Variants in LRCH1 observed in about 807,000 individuals in gnomAD.
LRCH1 encodes the protein leucine rich repeats and calponin homology domain containing 1, also known as leucine-rich repeat and calponin homology domain-containing protein 1.
A neutral mutation model predicts 94.9 loss-of-function variants in LRCH1; 23 were observed. That is an observed-to-expected ratio of 0.24 (90% CI 0.17 to 0.34). The LOEUF is 0.34. LRCH1 is among the 10% of genes least tolerant of loss of function. LRCH1 has a pLI of 1.00. For synonymous variants in LRCH1, 364 were observed against 354.9 expected, an observed-to-expected ratio of 1.03 and a Z score of -0.29; for missense variants, 790 against 945.9, an observed-to-expected ratio of 0.84 and a Z score of 2.16.
intron 18 of LRCH1, among the ~76,000 whole-genome samples, chr13:46,731,291 G>A (rs185132674): frequency 6.6e-6 from 1 of 152,184 alleles, no homozygotes; most frequent in Admixed American, 6.5e-5. Flanking sequence ...AGGCAGGAGT[G>A]CAGTGGCACG....
chr13:46,647,459 G>T (rs1326698128), intron 1 of LRCH1, among the ~76,000 whole-genome samples: 1 of 151,620 alleles, frequency 6.6e-6, no homozygotes, highest in Non-Finnish European at 1.5e-5. Flanking sequence ...TTCTTTTCTT[G>T]TTTATGATTT....
chr13:46,592,452 T>C (rs2050510887), intron 1 of LRCH1, among the ~76,000 whole-genome samples: 1 of 152,168 alleles, frequency 6.6e-6, no homozygotes, highest in East Asian at 1.9e-4. Context: ...TATGAGCACT[T>C]CCTCTGTCCC....
At chr13:46,661,330 T>C (rs186064231) in intron 2 of LRCH1, among the ~76,000 whole-genome samples, 12 of 152,338 alleles carry the variant, frequency 7.9e-5, no homozygotes, top group East Asian at 1.9e-4. Flanking sequence ...TTAGTACTTA[T>C]GTTACAAGAT....
intron 4 of LRCH1, 84 bp from the exon 5 acceptor site, chr13:46,685,821 C>G (rs558390460): frequency 1.0e-6 from 1 of 978,834 alleles, no homozygotes; most frequent in East Asian, 2.7e-5. Context: ...AGAAGCAGAA[C>G]ATTAATTTTT....
At chr13:46,617,300 A>T (rs913492981) in intron 1 of LRCH1, among the ~76,000 whole-genome samples, 1 of 152,214 alleles carries the variant, frequency 6.6e-6, no homozygotes. Flanking sequence ...ATCAGGGGCC[A>T]GGAAAACTTG....
At chr13:46,625,657 C>CTTGT in intron 1 of LRCH1, among the ~76,000 whole-genome samples, 1 of 59,666 alleles carries the variant, frequency 1.7e-5, no homozygotes, top group East Asian at 5.0e-4. Flanking sequence ...TTTTTTTGGT[C>CTTGT]TTGTTTGTTT....
intron 16 of LRCH1, among the ~76,000 whole-genome samples, chr13:46,719,634 C>A (rs1326797163): frequency 2.0e-5 from 3 of 152,192 alleles, no homozygotes; most frequent in African/African-American, 7.2e-5. Flanking sequence ...TTTCATTATA[C>A]CCTGCAGGGT....
At chr13:46,749,531 A>G (rs983866345), downstream of LRCH1, among the ~76,000 whole-genome samples, 2 of 152,236 alleles carry the variant, frequency 1.3e-5, no homozygotes, top group Non-Finnish European at 2.9e-5. Context: ...AATGGATATG[A>G]TAATTAGCTT....
intron 16 of LRCH1, among the ~76,000 whole-genome samples, chr13:46,719,758 G>A (rs989739603): frequency 2.0e-5 from 3 of 152,194 alleles, no homozygotes; most frequent in Non-Finnish European, 2.9e-5. Flanking sequence ...AGGACTTTGG[G>A]AGGCTGAGGC....
intron 2 of LRCH1, among the ~76,000 whole-genome samples, chr13:46,661,615 T>C (rs2051449557): frequency 6.6e-6 from 1 of 152,200 alleles, no homozygotes; most frequent in Admixed American, 6.5e-5. Flanking sequence ...TAGTTATTAG[T>C]AGTTGTCAAG....
At chr13:46,750,719 C>T in exon 19 of LRCH1, 2 of 1,015,166 alleles carry the variant, frequency 2.0e-6, no homozygotes, top group Non-Finnish European at 3.0e-6. Context: ...GCTCCAGGCA[C>T]CTGTTCAACC....
chr13:46,613,155 G>A (rs2050765753), intron 1 of LRCH1, among the ~76,000 whole-genome samples: 1 of 152,162 alleles, frequency 6.6e-6, no homozygotes, highest in African/African-American at 2.4e-5. Context: ...ACTTTGGGAG[G>A]CCAAGGCAGG....
rs956400015 is a variant in LRCH1, at chr13:46,611,509, A to G, written c.308-38692A>G. Reference sequence around the variant, plus strand: ...ACAGAATAATGGAATTGTAAATTGTATTTAGTTTTAATCAAAACTTTAAAA... The same window carrying G: ...ACAGAATAATGGAATTGTAAATTGTGTTTAGTTTTAATCAAAACTTTAAAA... On this transcript the variant is annotated intron_variant, in intron 1 of 19. Transcript: ENST00000389797. Among the ~76,000 whole-genome samples the G allele has an allele frequency of 2.6e-5, 4 of 152,188 alleles. No individual in the cohort carries two copies. The East Asian group carries it at 7.7e-4, about 29-fold the overall frequency.
intron 15 of LRCH1, among the ~76,000 whole-genome samples, chr13:46,715,325 A>T (rs545051477): frequency 6.6e-6 from 1 of 152,340 alleles, no homozygotes; most frequent in East Asian, 1.9e-4. Context: ...TATGAACTGC[A>T]TGCAAAGTGT....
chr13:46,630,923 C>A (rs544269037), intron 1 of LRCH1, among the ~76,000 whole-genome samples: 2 of 152,288 alleles, frequency 1.3e-5, no homozygotes, highest in African/African-American at 4.8e-5. Context: ...CAGTCCCACA[C>A]CAGCTTGCTT....
chr13:46,596,788 A>G (rs1461899731), intron 1 of LRCH1, among the ~76,000 whole-genome samples: 1 of 152,210 alleles, frequency 6.6e-6, no homozygotes, highest in East Asian at 1.9e-4. Flanking sequence ...GGTAGTCAAC[A>G]TGGCTAGGTC....
chr13:46,700,083 A>G (rs749223278), intron 10 of LRCH1, among the ~76,000 whole-genome samples: 3 of 152,326 alleles, frequency 2.0e-5, no homozygotes, highest in South Asian at 4.1e-4. Context: ...TTATTTAGCA[A>G]GATTTACAGG....
intron 16 of LRCH1, among the ~76,000 whole-genome samples, chr13:46,718,884 T>C (rs1593374273): frequency 7.7e-6 from 1 of 129,938 alleles, no homozygotes; most frequent in Non-Finnish European, 1.7e-5. Flanking sequence ...TTCAGTTAAA[T>C]TTAGGTATAA....
chr13:46,750,564 A>T, exon 19 of LRCH1: 1 of 1,551,830 alleles, frequency 6.4e-7, no homozygotes, highest in Non-Finnish European at 8.7e-7. Context: ...CCCCCACCAC[A>T]TCCTTGAAGA....
Sources: allele counts gnomAD v4.1 joint callset (sites outside exome capture counted in the v4.1 genomes callset), GRCh38; gene constraint gnomAD v4.1.1; transcripts MANE v1.5; gene names NCBI Gene and HGNC (gene_info 2026-07-23, HGNC 2026-07-21).